Variants in STPG4 observed in about 807,000 individuals in gnomAD.
The protein encoded by STPG4 is protein STPG4.
A neutral mutation model predicts 31.5 loss-of-function variants in STPG4; 41 were observed. The ratio of observed to expected loss-of-function variants is 1.30; its 90% CI spans 1.01 to 1.69. STPG4 has a LOEUF of 1.69. Ranked by LOEUF, STPG4 falls within the 40% of genes most tolerant of loss-of-function variation. The probability of loss-of-function intolerance (pLI) is 0.00; values close to 1 mark genes in which losing one functional copy is unlikely to be tolerated. For synonymous variants in STPG4, 141 were observed against 103.0 expected, an observed-to-expected ratio of 1.37 and a Z score of -2.24; for missense variants, 375 against 293.4, an observed-to-expected ratio of 1.28 and a Z score of -2.03.
intron 5 of STPG4, among the ~76,000 whole-genome samples, chr2:47,100,689 G>A (rs1685778406): frequency 6.6e-6 from 1 of 151,644 alleles, no homozygotes; most frequent in Non-Finnish European, 1.5e-5. Flanking sequence ...TCACCGCGAA[G>A]GTCTGCAGCT....
At chr2:47,125,629 G>C (rs1186940120) in intron 5 of STPG4, among the ~76,000 whole-genome samples, 2 of 152,196 alleles carry the variant, frequency 1.3e-5, no homozygotes, top group South Asian at 4.1e-4. Flanking sequence ...CTGTGCTTGT[G>C]GGGTGTCACT....
At chr2:47,103,374 A>G (rs922545574) in intron 5 of STPG4, among the ~76,000 whole-genome samples, 1 of 151,942 alleles carries the variant, frequency 6.6e-6, no homozygotes, top group Non-Finnish European at 1.5e-5. Context: ...TCAGCCGCAG[A>G]TATCAGGAGA....
chr2:47,112,418 A>G (rs1017714551), intron 5 of STPG4, among the ~76,000 whole-genome samples: 2 of 151,534 alleles, frequency 1.3e-5, no homozygotes, highest in African/African-American at 4.9e-5. Context: ...TGATCTGCCC[A>G]CCTCGGCCTC....
chr2:47,089,227 T>C lies in STPG4; in HGVS notation c.624+1043A>G, dbSNP rs531571683. ...GGGCTCCGACAAACATGTTTCTGGA[T>C]CATGGTGATGCCACTAAGGTGTGTG... On this transcript the variant is annotated intron_variant, in intron 6 of 6. Coordinates refer to ENST00000445927, the MANE Select transcript of STPG4 (RefSeq NM_001163561.2). Among the ~76,000 whole-genome samples the C allele has an allele frequency of 3.9e-4, 60 of 152,360 alleles. 1 individual carries two copies. Among genetic ancestry groups the C allele is most frequent in the African/African-American group, 1.4e-3 (60 of 41,588 alleles).
At chr2:47,093,860 A>C (rs2103728502) in intron 5 of STPG4, among the ~76,000 whole-genome samples, 1 of 152,384 alleles carries the variant, frequency 6.6e-6, no homozygotes, top group African/African-American at 2.4e-5. Context: ...ATGCTGCGGC[A>C]AAGCCGTGAC....
At chr2:47,127,748 T>A (rs1265591399) in intron 5 of STPG4, among the ~76,000 whole-genome samples, 1 of 152,200 alleles carries the variant, frequency 6.6e-6, no homozygotes, top group Non-Finnish European at 1.5e-5. Flanking sequence ...TGTGTCATCT[T>A]AAATTTTGTT....
intron 5 of STPG4, among the ~76,000 whole-genome samples, chr2:47,093,954 C>A (rs1278426475): frequency 6.6e-6 from 1 of 152,250 alleles, no homozygotes; most frequent in Non-Finnish European, 1.5e-5. Flanking sequence ...CATCCGAGGA[C>A]GGCTTGAGTG....
At chr2:47,101,195 C>T (rs972874543) in intron 5 of STPG4, among the ~76,000 whole-genome samples, 7 of 151,726 alleles carry the variant, frequency 4.6e-5, no homozygotes, top group African/African-American at 1.5e-4. Flanking sequence ...GTGCGGACAC[C>T]GGACTAAAAA....
intron 3 of STPG4, among the ~76,000 whole-genome samples, chr2:47,134,010 T>C (rs1474880618): frequency 1.4e-5 from 2 of 138,394 alleles, no homozygotes; most frequent in Non-Finnish European, 3.3e-5. Context: ...CCCTACTTAC[T>C]AAGCTCTTGG....
intron 3 of STPG4, among the ~76,000 whole-genome samples, chr2:47,135,515 T>TA (rs1266365268): frequency 2.0e-5 from 3 of 152,130 alleles, no homozygotes; most frequent in Non-Finnish European, 2.9e-5. Context: ...GCCTCCCAAG[T>TA]AGCTAGGATT....
chr2:47,087,070 T>C lies in STPG4; in HGVS notation c.685A>G (p.Ile229Val), dbSNP rs1249501941. ...LRQFPKQSPTIAKMGQEHSLF... is the reference protein window; with the variant it reads ...LRQFPKQSPTVAKMGQEHSLF... ...CTATGCTCTTGGCCCATTTTGGCTA[T>C]GGTCGGAGACTGCTTAGGGAATTGT... is the stretch of plus-strand genomic sequence containing the variant. The change falls in exon 7 of 7, where the codon ATA becomes GTA. Residue 229 changes from isoleucine (I) to valine (V), a missense_variant. Ile to Val is a conservative substitution (Grantham distance 29, BLOSUM62 3). Transcript: ENST00000445927. 1.3e-6 allele frequency: 2 copies of C among 1,551,700 alleles called. No individual in the cohort carries two copies. Among genetic ancestry groups the C allele is most frequent in the East Asian group, 2.4e-5 (1 of 40,940 alleles).
At chr2:47,117,927 TATA>T (rs758990719) in intron 5 of STPG4, among the ~76,000 whole-genome samples, 15 of 125,808 alleles carry the variant, frequency 1.2e-4, no homozygotes, top group African/African-American at 2.6e-4. Context: ...TATATATATA[TATA>T]TTTTTTTTTT....
At chr2:47,137,175 T>C (rs1380292867) in intron 3 of STPG4, among the ~76,000 whole-genome samples, 1 of 152,328 alleles carries the variant, frequency 6.6e-6, no homozygotes, top group Non-Finnish European at 1.5e-5. Context: ...TCTAGTTTAC[T>C]GAGAATTATT....
intron 5 of STPG4, among the ~76,000 whole-genome samples, chr2:47,094,896 C>T (rs7602549): frequency 1.3e-5 from 2 of 151,950 alleles, no homozygotes; most frequent in South Asian, 4.2e-4. Context: ...CTTTGGTAAG[C>T]CTGACATTTC....
intron 3 of STPG4, 73 bp downstream of exon 3, chr2:47,151,185 A>G: frequency 6.5e-7 from 1 of 1,542,352 alleles, no homozygotes; most frequent in Non-Finnish European, 8.8e-7. Context: ...GATATACTCT[A>G]CGTATAAAAA....
intron 5 of STPG4, chr2:47,129,671 G>A (rs1686434153): frequency 5.8e-6 from 2 of 342,408 alleles, no homozygotes; most frequent in South Asian, 5.4e-5. Context: ...GGAGGGTAGT[G>A]TCAGTAATTC....
intron 6 of STPG4, among the ~76,000 whole-genome samples, chr2:47,088,143 G>A (rs561660646): frequency 6.0e-5 from 9 of 150,958 alleles, no homozygotes; most frequent in African/African-American, 2.2e-4. Context: ...GCAGTGGCAG[G>A]ACCTCAGCTC....
chr2:47,136,169 G>C (rs1007572917), intron 3 of STPG4, among the ~76,000 whole-genome samples: 5 of 151,544 alleles, frequency 3.3e-5, no homozygotes, highest in African/African-American at 1.2e-4. Flanking sequence ...TTTTGAGACA[G>C]AGTTTCACTC....
Position 47,151,368 on chromosome 2 carries a change from G to C in STPG4, c.289C>G (p.Pro97Ala). 2.5e-6 allele frequency: 4 copies of C among 1,614,222 alleles called. No individual in the cohort carries two copies. In the South Asian group the frequency reaches 4.4e-5, roughly 18 times the overall value. Residue 97 changes from proline to alanine, a missense_variant, in exon 3 of 7, where the codon CCG (proline) becomes GCG (alanine). By Grantham distance (27) the Pro-to-Ala change is conservative. Coordinates refer to ENST00000445927, the MANE Select transcript of STPG4 (RefSeq NM_001163561.2). ...AGGAAGTCAGGAGGCATATACTGCGGAAGATCATTTAGGACTGGATTGTTT... is the reference window on the plus strand; with the variant it reads ...AGGAAGTCAGGAGGCATATACTGCGCAAGATCATTTAGGACTGGATTGTTT... ...QRNNPVLNDL[P>A]QYMPPDFLDL...
Sources: gnomAD v4.1 joint callset for allele counts (sites outside exome capture counted in the v4.1 genomes callset) on GRCh38, gnomAD v4.1.1 for gene constraint, MANE v1.5 for transcripts, NCBI Gene and HGNC (gene_info 2026-07-23, HGNC 2026-07-21) for gene names.